The following ANKS1B variants were observed in gnomAD, a reference collection of about 807,000 sequenced individuals.
The protein encoded by ANKS1B is ankyrin repeat and sterile alpha motif domain containing 1B, also known as ankyrin repeat and sterile alpha motif domain-containing protein 1B.
ANKS1B carries 36 observed loss-of-function variants against 148.3 expected under a neutral mutation model. The ratio of observed to expected loss-of-function variants is 0.24; its 90% CI spans 0.19 to 0.32. ANKS1B has a LOEUF of 0.32. ANKS1B is among the 10% of genes least tolerant of loss of function. ANKS1B has a pLI of 1.00. For missense variants in ANKS1B, 1,157 were observed against 1,542.6 expected (o/e 0.75, Z 4.19); for synonymous variants, 542 against 560.8 (o/e 0.97, Z 0.47).
intron 9 of ANKS1B, among the ~76,000 whole-genome samples, chr12:99,626,619 C>T (rs1171773756): frequency 1.3e-5 from 2 of 152,126 alleles, no homozygotes; most frequent in African/African-American, 4.8e-5. Context: ...AATCTTTTAC[C>T]TCACACTCAA....
At chr12:98,756,556 C>CAAAAAAA (rs536086383) in intron 25 of ANKS1B, among the ~76,000 whole-genome samples, 1 of 104,560 alleles carries the variant, frequency 9.6e-6, no homozygotes, top group Non-Finnish European at 2.0e-5. Context: ...ACTAAAAATA[C>CAAAAAAA]AAAAAAAAAA....
intron 11 of ANKS1B, among the ~76,000 whole-genome samples, chr12:99,401,641 TATC>T (rs2094406311): frequency 6.8e-6 from 1 of 146,716 alleles, no homozygotes; most frequent in Non-Finnish European, 1.5e-5. Context: ...AAACTGCAGA[TATC>T]ATGCACGTAA....
At chr12:99,952,262 G>T (rs2095239776) in intron 1 of ANKS1B, among the ~76,000 whole-genome samples, 1 of 152,060 alleles carries the variant, frequency 6.6e-6, no homozygotes, top group East Asian at 1.9e-4. Flanking sequence ...ATGCTGAATT[G>T]ATCCTCTAAT....
intron 12 of ANKS1B, among the ~76,000 whole-genome samples, chr12:99,280,846 CT>C (rs1602368146): frequency 6.7e-6 from 1 of 150,232 alleles, no homozygotes. Flanking sequence ...ATAAATCTCT[CT>C]CTCTCTCTCT....
chr12:98,786,034 G>C (rs2098791432), intron 22 of ANKS1B, among the ~76,000 whole-genome samples: 1 of 152,162 alleles, frequency 6.6e-6, no homozygotes, highest in Admixed American at 6.5e-5. Flanking sequence ...TTACAGAAGA[G>C]ACTAATTTGT....
chr12:99,909,389 A>AT (rs2093919352), intron 1 of ANKS1B, among the ~76,000 whole-genome samples: 1 of 152,088 alleles, frequency 6.6e-6, no homozygotes, highest in South Asian at 2.1e-4. Context: ...TGCTGACTTC[A>AT]TTTCCGTTGG....
chr12:99,056,981 G>A (rs1263075462), intron 16 of ANKS1B, among the ~76,000 whole-genome samples: 5 of 152,036 alleles, frequency 3.3e-5, no homozygotes, highest in Admixed American at 2.0e-4. Flanking sequence ...TCAGTTAAGG[G>A]CAACTATTAC....
chr12:99,157,134 T>G (rs997134887), intron 14 of ANKS1B, among the ~76,000 whole-genome samples: 3 of 152,188 alleles, frequency 2.0e-5, no homozygotes, highest in South Asian at 2.1e-4. Context: ...GAGTTTGTAG[T>G]AGTTTATGAA....
chr12:99,714,297 T>C (rs1469186942), intron 8 of ANKS1B, among the ~76,000 whole-genome samples: 1 of 152,198 alleles, frequency 6.6e-6, no homozygotes, highest in Non-Finnish European at 1.5e-5. Context: ...CCCACAGAAG[T>C]AATCCAGGAT....
At chr12:99,237,220 T>TG (rs113066940) in intron 14 of ANKS1B, among the ~76,000 whole-genome samples, 6 of 152,266 alleles carry the variant, frequency 3.9e-5, no homozygotes, top group African/African-American at 1.4e-4. Context: ...GGTGTGTTCC[T>TG]GTGTGTTTGT....
intron 22 of ANKS1B, among the ~76,000 whole-genome samples, chr12:98,791,545 C>T (rs1441705103): frequency 2.1e-5 from 3 of 143,446 alleles, no homozygotes; most frequent in African/African-American, 7.5e-5. Flanking sequence ...TGAAATTGGG[C>T]AACAGAGAAT....
intron 1 of ANKS1B, among the ~76,000 whole-genome samples, chr12:99,942,554 A>G (rs2094946743): frequency 1.3e-5 from 2 of 152,158 alleles, no homozygotes; most frequent in Non-Finnish European, 2.9e-5. Flanking sequence ...GAAAGATTAT[A>G]TGAGTATGTC....
At chr12:99,647,263 C>T (rs1013271870) in intron 9 of ANKS1B, among the ~76,000 whole-genome samples, 17 of 151,986 alleles carry the variant, frequency 1.1e-4, no homozygotes, top group South Asian at 1.0e-3. Context: ...AGGAAAACTA[C>T]GTAATCATTT....
At chr12:99,140,837 G>A (rs2070452421) in intron 15 of ANKS1B, among the ~76,000 whole-genome samples, 1 of 152,050 alleles carries the variant, frequency 6.6e-6, no homozygotes, top group South Asian at 2.1e-4. Flanking sequence ...CATTCTCCTA[G>A]TAAACTCTCC....
chr12:98,808,556 G>T (rs956796577), intron 19 of ANKS1B, among the ~76,000 whole-genome samples: 1 of 152,124 alleles, frequency 6.6e-6, no homozygotes, highest in East Asian at 1.9e-4. Flanking sequence ...ATTCAGTTCT[G>T]TTCCTCAAGC....
intron 11 of ANKS1B, among the ~76,000 whole-genome samples, chr12:99,442,217 TGAA>T (rs1435219815): frequency 6.6e-5 from 10 of 151,836 alleles, no homozygotes; most frequent in African/African-American, 2.4e-4. Context: ...TGTAATGAGA[TGAA>T]GGTGTCACTA....
intron 12 of ANKS1B, among the ~76,000 whole-genome samples, chr12:99,270,833 A>G (rs1332638796): frequency 6.6e-6 from 1 of 152,244 alleles, no homozygotes; most frequent in Non-Finnish European, 1.5e-5. Flanking sequence ...TAAGTAGTTC[A>G]AAAAAGAATA....
At position 99,399,772 on chromosome 12, in the gene ANKS1B, G is replaced by A. The variant is rs1337729218; in HGVS notation, c.1615C>T (p.His539Tyr). The A allele has an allele frequency of 6.2e-7, 1 of 1,613,400 alleles. No individual in the cohort carries two copies. Among genetic ancestry groups the A allele is most frequent in the Non-Finnish European group, 8.5e-7 (1 of 1,179,506 alleles). The change falls in exon 12 of 27, where the codon CAC becomes TAC. Residue 539 changes from histidine to tyrosine, a missense_variant. His to Tyr is a moderately conservative substitution (Grantham distance 83, BLOSUM62 2). Transcript: ENST00000683438. ...TATTCTTGGTTGTGATTCATTCGGT[G>A]AAAATCCAGAGAAGACACAATGGAT... is the stretch of plus-strand genomic sequence containing the variant. ...RTSIVSSLDF[H>Y]RMNHNQEYFE...
chr12:99,827,132 AAAAG>A lies in ANKS1B; in HGVS notation c.135-1747_135-1744del, dbSNP rs371857963. Among the ~76,000 whole-genome samples, 41 of 152,134 alleles carry A rather than the reference AAAAG, an allele frequency of 2.7e-4. 1 individual carries two copies. Among genetic ancestry groups the A allele is most frequent in the African/African-American group, 9.4e-4 (39 of 41,476 alleles). ...AGACCCTGCCACCCCCACAACAAAA[AAAAG>A]AAAGAAAGAAAAATGGAGGCATCAC... is the stretch of plus-strand genomic sequence containing the variant. On this transcript the variant is annotated intron_variant, in intron 1 of 26. Transcript: ENST00000683438.
Sources: gnomAD v4.1 joint callset for allele counts (sites outside exome capture counted in the v4.1 genomes callset) on GRCh38, gnomAD v4.1.1 for gene constraint, MANE v1.5 for transcripts, NCBI Gene and HGNC (gene_info 2026-07-23, HGNC 2026-07-21) for gene names.